GRID2: variants seen among roughly 807,000 people sequenced by gnomAD.
The protein encoded by GRID2 is glutamate ionotropic receptor delta type subunit 2.
Under a neutral mutation model 114.8 loss-of-function variants are expected in GRID2, and 33 were observed. The observed-to-expected ratio is 0.29, with a 90% CI of 0.22 to 0.38. GRID2 has a LOEUF of 0.38. Ranked by LOEUF, GRID2 falls within the 10% of genes least tolerant of loss-of-function variation. GRID2 has a pLI of 1.00. For synonymous variants in GRID2, 505 were observed against 449.9 expected (o/e 1.12, Z -1.55); for missense variants, 1,184 against 1,257.7 (o/e 0.94, Z 0.89).
At chr4:93,804,764 C>T (rs1734998722) in intron 1 of GRID2, among the ~76,000 whole-genome samples, 2 of 152,126 alleles carry the variant, frequency 1.3e-5, no homozygotes, top group African/African-American at 2.4e-5. Flanking sequence ...GTAAAAATGC[C>T]CTCAACCTTT....
At chr4:92,413,076 A>G (rs1731418630) in intron 1 of GRID2, among the ~76,000 whole-genome samples, 1 of 152,200 alleles carries the variant, frequency 6.6e-6, no homozygotes, top group African/African-American at 2.4e-5. Flanking sequence ...TTTAAGGGCT[A>G]CAAGTGCAGT....
chr4:92,687,967 G>T (rs912583762), intron 2 of GRID2, among the ~76,000 whole-genome samples: 1 of 148,324 alleles, frequency 6.7e-6, no homozygotes, highest in Non-Finnish European at 1.5e-5. Context: ...GCTGAAGGTT[G>T]GGGATGCTGT....
At chr4:92,678,618 C>CT (rs1035927798) in intron 2 of GRID2, among the ~76,000 whole-genome samples, 2 of 151,026 alleles carry the variant, frequency 1.3e-5, no homozygotes, top group African/African-American at 4.9e-5. Flanking sequence ...GTTGGTGTTA[C>CT]TTTTTTTAAA....
chr4:92,860,591 C>T (rs1038347790), intron 2 of GRID2, among the ~76,000 whole-genome samples: 1 of 152,048 alleles, frequency 6.6e-6, no homozygotes, highest in African/African-American at 2.4e-5. Flanking sequence ...TCTCTTGAAA[C>T]TTATCTATGA....
At chr4:92,349,136 C>G (rs190501150) in intron 1 of GRID2, among the ~76,000 whole-genome samples, 4 of 151,870 alleles carry the variant, frequency 2.6e-5, no homozygotes, top group Non-Finnish European at 4.4e-5. Flanking sequence ...GCTTTTTAAA[C>G]TACACACCAA....
chr4:93,790,878 A>C (rs1369735902), intron 1 of GRID2, among the ~76,000 whole-genome samples: 2 of 152,156 alleles, frequency 1.3e-5, no homozygotes, highest in African/African-American at 4.8e-5. Context: ...TCTCCCACAA[A>C]ACAGAAGTAA....
chr4:93,115,962 CT>C (rs949658390), intron 4 of GRID2, among the ~76,000 whole-genome samples: 1 of 151,996 alleles, frequency 6.6e-6, no homozygotes, highest in Admixed American at 6.6e-5. Context: ...AGCTCTTTAA[CT>C]TTTTTGTTTT....
At chr4:93,502,254 A>C (rs1238758755) in intron 12 of GRID2, among the ~76,000 whole-genome samples, 1 of 152,102 alleles carries the variant, frequency 6.6e-6, no homozygotes, top group Non-Finnish European at 1.5e-5. Context: ...ACTACTTTGC[A>C]CTTCAGTTTT....
chr4:92,850,211 A>G (rs999195795), intron 2 of GRID2, among the ~76,000 whole-genome samples: 11 of 151,384 alleles, frequency 7.3e-5, no homozygotes, highest in Non-Finnish European at 1.0e-4. Flanking sequence ...ATATATAATT[A>G]TAAGTGAATC....
At chr4:93,401,782 A>G (rs1050838794) in intron 9 of GRID2, among the ~76,000 whole-genome samples, 9 of 152,138 alleles carry the variant, frequency 5.9e-5, no homozygotes, top group Admixed American at 2.0e-4. Flanking sequence ...ATATCTATTG[A>G]GAGAATGGTA....
chr4:93,692,046 A>T (rs549321624), intron 14 of GRID2, among the ~76,000 whole-genome samples: 4 of 152,108 alleles, frequency 2.6e-5, no homozygotes, highest in Non-Finnish European at 5.9e-5. Flanking sequence ...AGAAGTCAAA[A>T]AAGTCAAAAA....
At chr4:93,295,260 G>A (rs1384889283) in intron 8 of GRID2, among the ~76,000 whole-genome samples, 1 of 152,088 alleles carries the variant, frequency 6.6e-6, no homozygotes, top group Non-Finnish European at 1.5e-5. Context: ...CGAGAAAAAC[G>A]AGGTCCAAAT....
intron 13 of GRID2, among the ~76,000 whole-genome samples, chr4:93,600,221 G>T (rs1378110324): frequency 6.6e-6 from 1 of 151,748 alleles, no homozygotes; most frequent in Non-Finnish European, 1.5e-5. Flanking sequence ...TGATACATTG[G>T]ATTTTACAAA....
chr4:93,293,425 A>C (rs1753957171), intron 8 of GRID2, among the ~76,000 whole-genome samples: 1 of 152,208 alleles, frequency 6.6e-6, no homozygotes, highest in Non-Finnish European at 1.5e-5. Context: ...GACAAAAATA[A>C]GTGAATTAAA....
In GRID2 at chr4:92,937,277, T is replaced by C. The variant is rs866908074; in HGVS notation, c.245-147718T>C. On this transcript the variant is annotated intron_variant, in intron 2 of 15. Coordinates refer to ENST00000282020, the MANE Select transcript of GRID2 (RefSeq NM_001510.4). ...GATATTATTACCAAATCCAAGGTCATAGAGATTTTCCGCATTCTTTCTTCT... is the reference window on the plus strand; with the variant it reads ...GATATTATTACCAAATCCAAGGTCACAGAGATTTTCCGCATTCTTTCTTCT... Among the ~76,000 whole-genome samples the C allele has an allele frequency of 2.0e-4, 30 of 146,844 alleles. 1 individual carries two copies. Among genetic ancestry groups the C allele is most frequent in the Middle Eastern group, 3.5e-3 (1 of 286 alleles).
At chr4:92,661,389 T>C (rs1375881349) in intron 2 of GRID2, among the ~76,000 whole-genome samples, 1 of 150,918 alleles carries the variant, frequency 6.6e-6, no homozygotes, top group Non-Finnish European at 1.5e-5. Flanking sequence ...GCCTAAATAT[T>C]TTGTGGCCAA....
At chr4:93,168,049 A>G (rs566784165) in intron 4 of GRID2, among the ~76,000 whole-genome samples, 183 of 152,162 alleles carry the variant, frequency 1.2e-3, no homozygotes, top group African/African-American at 4.1e-3. Context: ...TATAAAACTT[A>G]GCGAGGTGTA....
At chr4:93,269,645 G>A (rs1751214013) in intron 8 of GRID2, among the ~76,000 whole-genome samples, 1 of 152,162 alleles carries the variant, frequency 6.6e-6, no homozygotes. Context: ...ATCCATTGAG[G>A]GGATAATTCT....
At position 92,860,014 on chromosome 4, in the gene GRID2, A is replaced by G. The variant is rs535800395; in HGVS notation, c.245-224981A>G. ...AGCTGCCTCTAGCTGAGAACCACTG[A>G]CAAGAAGAAGAATGGAGTAATAATC... On this transcript the variant is annotated intron_variant, in intron 2 of 15. Transcript: ENST00000282020. 7.2e-5 allele frequency among the ~76,000 whole-genome samples: 11 copies of G among 152,316 alleles called. No homozygotes were observed. In the South Asian group the frequency reaches 2.3e-3, roughly 32 times the overall value.
Sources: allele counts gnomAD v4.1 joint callset (sites outside exome capture counted in the v4.1 genomes callset), GRCh38; gene constraint gnomAD v4.1.1; transcripts MANE v1.5; gene names NCBI Gene and HGNC (gene_info 2026-07-23, HGNC 2026-07-21).